The following GLG1 variants were observed in gnomAD, a reference collection of about 807,000 sequenced individuals.
GLG1 encodes golgi glycoprotein 1, also known as Golgi apparatus protein 1.
Under a neutral mutation model 160.5 loss-of-function variants are expected in GLG1, and 38 were observed. The observed-to-expected ratio is 0.24, with a 90% CI of 0.18 to 0.31. GLG1 has a LOEUF of 0.31. Ranked by LOEUF, GLG1 falls within the 10% of genes least tolerant of loss-of-function variation. The probability of loss-of-function intolerance (pLI) is 1.00; values close to 1 mark genes in which losing one functional copy is unlikely to be tolerated. For missense variants in GLG1, 1,373 were observed against 1,505.2 expected (o/e 0.91, Z 1.45); for synonymous variants, 644 against 543.4 (o/e 1.19, Z -2.57).
chr16:74,505,507 G>T (rs2016564313), intron 3 of GLG1, among the ~76,000 whole-genome samples: 1 of 152,158 alleles, frequency 6.6e-6, no homozygotes, highest in African/African-American at 2.4e-5. Flanking sequence ...ATCACTTGAA[G>T]TTAGGAGTTT....
Position 74,496,483 on chromosome 16 carries a change from T to A in GLG1, c.936A>T (p.Leu312Phe). Residue 312 changes from leucine (L) to phenylalanine (F), a missense_variant, in exon 5 of 26, where the codon TTA becomes TTT. Around this residue, in one of 4 missense-constraint regions of GLG1, gnomAD observed 174 missense variants for 229.9 expected, o/e 0.76. Coordinates refer to ENST00000422840, the MANE Select transcript of GLG1 (RefSeq NM_001145667.2). ...CCCGATCATCTCGGCAAGCAAAATA[T>A]AAATGCCGGTCTAAGTGAAAGTCAT... The part of the protein sequence containing the change: ...SSDDFHLDRH[L>F]YFACRDDRER... 6.2e-7 allele frequency: 1 copy of A among 1,614,026 alleles called. No individual in the cohort carries two copies. The highest frequency in any genetic ancestry group is 1.1e-5 in the South Asian group (1 of 91,080).
At chr16:74,604,175 C>A (rs1359836571) in intron 1 of GLG1, among the ~76,000 whole-genome samples, 1 of 152,006 alleles carries the variant, frequency 6.6e-6, no homozygotes, top group Non-Finnish European at 1.5e-5. Flanking sequence ...GATGACAGAG[C>A]GAGACCCTGT....
At chr16:74,460,672 G>A (rs966606879) in intron 22 of GLG1, among the ~76,000 whole-genome samples, 1 of 152,142 alleles carries the variant, frequency 6.6e-6, no homozygotes, top group African/African-American at 2.4e-5. Flanking sequence ...TGGGGGTTTC[G>A]TGCCCCTCCT....
At chr16:74,486,308 A>T (rs1356896525) in intron 8 of GLG1, among the ~76,000 whole-genome samples, 4 of 152,236 alleles carry the variant, frequency 2.6e-5, no homozygotes, top group African/African-American at 9.6e-5. Context: ...TCACTTAGAG[A>T]CCTAATTGGG....
At chr16:74,493,915 G>A (rs2016089921) in intron 6 of GLG1, among the ~76,000 whole-genome samples, 2 of 152,016 alleles carry the variant, frequency 1.3e-5, no homozygotes, top group Admixed American at 1.3e-4. Flanking sequence ...AAATCACACT[G>A]AGGATTTTAT....
intron 2 of GLG1, among the ~76,000 whole-genome samples, chr16:74,521,401 C>G (rs2017158601): frequency 6.6e-6 from 1 of 152,030 alleles, no homozygotes; most frequent in South Asian, 2.1e-4. Context: ...ACACAGAAGT[C>G]CCGGAGAGAC....
chr16:74,561,276 C>G (rs1297922253), intron 1 of GLG1, among the ~76,000 whole-genome samples: 1 of 152,234 alleles, frequency 6.6e-6, no homozygotes, highest in Non-Finnish European at 1.5e-5. Context: ...ATGACCACAA[C>G]CAAATTTTCT....
chr16:74,459,613 A>G (rs1409556064), intron 23 of GLG1, 69 bp downstream of exon 23: 13 of 795,612 alleles, frequency 1.6e-5, no homozygotes, highest in Non-Finnish European at 2.5e-5. Context: ...GGCAGACTAC[A>G]GCATTAAAAG....
intron 2 of GLG1, among the ~76,000 whole-genome samples, chr16:74,531,363 G>C (rs2017526255): frequency 6.6e-6 from 1 of 152,196 alleles, no homozygotes; most frequent in African/African-American, 2.4e-5. Flanking sequence ...CTGTTGCCCA[G>C]GCTGGAGTGC....
At chr16:74,568,474 A>G (rs2018723896) in intron 1 of GLG1, among the ~76,000 whole-genome samples, 1 of 149,606 alleles carries the variant, frequency 6.7e-6, no homozygotes, top group African/African-American at 2.5e-5. Flanking sequence ...CTGGAGTGCA[A>G]TGGCATGATC....
intron 2 of GLG1, among the ~76,000 whole-genome samples, chr16:74,517,968 A>G (rs1427000216): frequency 6.6e-6 from 1 of 152,164 alleles, no homozygotes; most frequent in African/African-American, 2.4e-5. Flanking sequence ...AAAAATAATA[A>G]AATACCTAGG....
chr16:74,573,409 C>G (rs1026991602), intron 1 of GLG1, among the ~76,000 whole-genome samples: 1 of 151,836 alleles, frequency 6.6e-6, no homozygotes, highest in African/African-American at 2.4e-5. Context: ...TGCCAGTATC[C>G]ACTCTCAGAC....
At chr16:74,548,913 T>C (rs1006449862) in intron 1 of GLG1, among the ~76,000 whole-genome samples, 1 of 152,088 alleles carries the variant, frequency 6.6e-6, no homozygotes, top group African/African-American at 2.4e-5. Flanking sequence ...GGAGAATCAC[T>C]TGAACCCAGG....
At chr16:74,484,071 TCCCTCTC>T (rs1248096999) in intron 9 of GLG1, among the ~76,000 whole-genome samples, 3 of 152,118 alleles carry the variant, frequency 2.0e-5, no homozygotes, top group Admixed American at 6.6e-5. Context: ...TCTTCCTTCT[TCCCTCTC>T]CCCTGCCCCC....
chr16:74,559,344 G>A (rs2018442037), intron 1 of GLG1, among the ~76,000 whole-genome samples: 1 of 151,774 alleles, frequency 6.6e-6, no homozygotes, highest in Non-Finnish European at 1.5e-5. Context: ...TCAGGAGGCT[G>A]AGGGCAGGAG....
chr16:74,550,254 T>A (rs964836941), intron 1 of GLG1, among the ~76,000 whole-genome samples: 1 of 152,152 alleles, frequency 6.6e-6, no homozygotes, highest in African/African-American at 2.4e-5. Context: ...AGTAAGAGAG[T>A]CCATGATGTT....
chr16:74,459,711 G>A lies in GLG1; in HGVS notation c.3115C>T (p.Leu1039Phe). 1.3e-6 allele frequency: 2 copies of A among 1,592,390 alleles called. No individual in the cohort carries two copies. Among genetic ancestry groups the A allele is most frequent in the Non-Finnish European group, 1.7e-6 (2 of 1,161,752 alleles). ...QVEECLKVNL[L>F]KIKTELCKKE... ...TTACACAATTCTGTTTTGATCTTGA[G>A]CAGGTTGACCTTGAGGCACTCCTCC... The change falls in exon 23 of 26, where the codon CTC becomes TTC. Residue 1039 changes from leucine to phenylalanine, a missense_variant. This residue lies in a region of GLG1 where 491 missense variants were observed against 632.1 expected (regional missense o/e 0.78). Transcript: ENST00000422840.
chr16:74,532,194 AT>A (rs745351249), intron 1 of GLG1, 41 bp from the exon 2 acceptor site: 14,157 of 328,980 alleles, frequency 0.043, 250 homozygotes, highest in African/African-American at 0.15. Context: ...AAAAAAAAAA[AT>A]ATATATATAT....
At chr16:74,596,411 C>A (rs1286418193) in intron 1 of GLG1, among the ~76,000 whole-genome samples, 1 of 151,792 alleles carries the variant, frequency 6.6e-6, no homozygotes, top group Non-Finnish European at 1.5e-5. Context: ...TGCCTGTAAA[C>A]CCAGCTACTC....
Sources: allele counts gnomAD v4.1 joint callset (sites outside exome capture counted in the v4.1 genomes callset), GRCh38; gene constraint gnomAD v4.1.1; regional missense constraint gnomAD v4.1.1; transcripts MANE v1.5; gene names NCBI Gene and HGNC (gene_info 2026-07-23, HGNC 2026-07-21).